The following NLGN4X variants were observed in gnomAD, a reference collection of about 807,000 sequenced individuals.
NLGN4X encodes the protein neuroligin-4, X-linked.
Under a neutral mutation model 40.3 loss-of-function variants are expected in NLGN4X, and 3 were observed. That is an observed-to-expected ratio of 0.07 (90% CI 0.03 to 0.19). The LOEUF (loss-of-function observed/expected upper bound fraction) is 0.19. NLGN4X is among the 10% of genes least tolerant of loss of function. The pLI is 1.00. For synonymous variants in NLGN4X, 270 were observed against 306.8 expected, an observed-to-expected ratio of 0.88 and a Z score of 1.25; for missense variants, 382 against 708.3, an observed-to-expected ratio of 0.54 and a Z score of 5.23.
chrX:5,977,628 G>A (rs759572519), intron 3 of NLGN4X, among the ~76,000 whole-genome samples: 1 of 110,652 alleles, frequency 9.0e-6, no homozygotes, highest in Non-Finnish European at 1.9e-5. Flanking sequence ...TATCTGGTGG[G>A]TGTGAACTGG....
chrX:5,936,107 A>C (rs140997823), intron 3 of NLGN4X, among the ~76,000 whole-genome samples: 1,907 of 112,007 alleles, frequency 0.017, 49 homozygotes, highest in African/African-American at 0.058. Context: ...GTTATGAAAC[A>C]TTATCTGATA....
intron 3 of NLGN4X, among the ~76,000 whole-genome samples, chrX:5,990,940 C>T (rs1174974020): frequency 8.9e-6 from 1 of 112,304 alleles, no homozygotes; most frequent in East Asian, 2.8e-4. Flanking sequence ...AGCCTTCAGC[C>T]TTGCACCACG....
At chrX:6,149,960 T>G (rs941452696) in intron 2 of NLGN4X, among the ~76,000 whole-genome samples, 1 of 107,596 alleles carries the variant, frequency 9.3e-6, no homozygotes, top group Non-Finnish European at 1.9e-5. Context: ...GGATTGAAGT[T>G]TAAAAAAAAA....
chrX:6,172,948 T>C (rs1434733880), intron 1 of NLGN4X, among the ~76,000 whole-genome samples: 1 of 112,398 alleles, frequency 8.9e-6, no homozygotes, highest in Non-Finnish European at 1.9e-5. Flanking sequence ...CTGATGGCTG[T>C]GAGTATGCAG....
In NLGN4X at chrX:6,042,685, TTATATATATATATATATATATA is replaced by T. The variant is rs749649054; in HGVS notation, c.473-13275_473-13254del. Among the ~76,000 whole-genome samples, 22 of 28,414 alleles carry T rather than the reference TTATATATATATATATATATATA, an allele frequency of 7.7e-4. No homozygotes were observed. The East Asian group carries it at 9.8e-3, about 13-fold the overall frequency. The allele number at this position is 28,414 out of a possible 115,157, so 24.7% of individuals were successfully genotyped here. ...AAAACCTAACATACCCATAGAGGTT[TTATATATATATATATATATATA>T]TATATATATATATATATATATATAC... On this transcript the variant is annotated intron_variant, in intron 2 of 5. Coordinates refer to ENST00000381095, the MANE Select transcript of NLGN4X (RefSeq NM_181332.3).
chrX:6,150,945 T>C (rs1321026574), intron 2 of NLGN4X, 50 bp downstream of exon 2: 1 of 1,035,115 alleles, frequency 9.7e-7, no homozygotes, highest in Non-Finnish European at 1.4e-6. Context: ...AGCAAATCTC[T>C]CTACACACTG....
chrX:6,166,777 T>C (rs1396141831), intron 1 of NLGN4X, among the ~76,000 whole-genome samples: 2 of 111,284 alleles, frequency 1.8e-5, no homozygotes, highest in Non-Finnish European at 3.8e-5. Flanking sequence ...GCATAAGTAC[T>C]TGAGAATAAA....
chrX:6,037,345 T>A (rs1052885624), intron 2 of NLGN4X, among the ~76,000 whole-genome samples: 13 of 109,139 alleles, frequency 1.2e-4, no homozygotes, highest in Non-Finnish European at 2.3e-4. Context: ...TTAAAAAAAA[T>A]TGGAAAACGA....
intron 5 of NLGN4X, among the ~76,000 whole-genome samples, chrX:5,900,048 TG>T (rs763544742): frequency 8.0e-5 from 9 of 112,206 alleles, no homozygotes; most frequent in Non-Finnish European, 1.5e-4. Flanking sequence ...TTCAAGAGGA[TG>T]AAATTCTCTG....
intron 3 of NLGN4X, among the ~76,000 whole-genome samples, chrX:5,954,529 C>T (rs1287375553): frequency 9.3e-6 from 1 of 107,904 alleles, no homozygotes; most frequent in Non-Finnish European, 1.9e-5. Flanking sequence ...AGCCACCACG[C>T]CAGCCTCATA....
At chrX:6,183,058 T>A (rs958256479) in intron 1 of NLGN4X, among the ~76,000 whole-genome samples, 1 of 111,922 alleles carries the variant, frequency 8.9e-6, no homozygotes, top group African/African-American at 3.2e-5. Context: ...GTCCATTAGA[T>A]GTGAACGACT....
chrX:5,892,971 C>T lies in NLGN4X; in HGVS notation c.2297G>A (p.Arg766Gln), dbSNP rs1445553567. 3 of 1,209,322 alleles carry T rather than the reference C, an allele frequency of 2.5e-6. No homozygotes were observed. Among genetic ancestry groups the T allele is most frequent in the Non-Finnish European group, 3.4e-6 (3 of 895,160 alleles). ...CATAAGTGGGATGTCATCTGGCGAC[C>T]GGCGCAGCGTGAGGGTGTAGTCTGG... Reference protein sequence around the residue: ...CPPDYTLTLRRSPDDIPLMTP... With the variant: ...CPPDYTLTLRQSPDDIPLMTP... The change falls in exon 6 of 6, where the codon CGG becomes CAG. Residue 766 changes from arginine (R) to glutamine (Q), a missense_variant. By Grantham distance (43) the Arg-to-Gln change is conservative. Transcript: ENST00000381095.
chrX:5,997,584 G>GTATATATATACACA (rs1569177130), intron 3 of NLGN4X, among the ~76,000 whole-genome samples: 1 of 47,120 alleles, frequency 2.1e-5, no homozygotes, highest in Admixed American at 2.3e-4. Context: ...GTGTGTGTGT[G>GTATATATATACACA]TGTATATATA....
At chrX:6,208,630 C>T (rs756108450) in intron 1 of NLGN4X, among the ~76,000 whole-genome samples, 1 of 111,999 alleles carries the variant, frequency 8.9e-6, no homozygotes, top group East Asian at 2.8e-4. Flanking sequence ...AATAAGTACA[C>T]CTCATTTCAT....
intron 2 of NLGN4X, among the ~76,000 whole-genome samples, chrX:6,067,114 CAA>C (rs2037942484): frequency 1.8e-5 from 2 of 109,430 alleles, no homozygotes; most frequent in Non-Finnish European, 3.8e-5. Context: ...GTCCCCCCCC[CAA>C]AACAAAATTA....
chrX:6,108,831 C>T (rs1230468385), intron 2 of NLGN4X, among the ~76,000 whole-genome samples: 1 of 111,594 alleles, frequency 9.0e-6, no homozygotes, highest in Non-Finnish European at 1.9e-5. Context: ...CATTGTGCTT[C>T]CCCTGGGAAG....
chrX:5,932,888 G>T (rs973136601), intron 3 of NLGN4X, among the ~76,000 whole-genome samples: 1 of 110,739 alleles, frequency 9.0e-6, no homozygotes, highest in Non-Finnish European at 1.9e-5. Context: ...ATTTTGAATG[G>T]GCTCAAAGAG....
chrX:6,164,143 C>A (rs1018906043), intron 1 of NLGN4X, among the ~76,000 whole-genome samples: 5 of 112,883 alleles, frequency 4.4e-5, no homozygotes, highest in African/African-American at 1.6e-4. Context: ...ATTGACACAG[C>A]AGTAAAGTGT....
intron 1 of NLGN4X, among the ~76,000 whole-genome samples, chrX:6,155,553 T>C (rs897487990): frequency 1.8e-5 from 2 of 111,822 alleles, no homozygotes; most frequent in South Asian, 7.5e-4. Context: ...ATGACCACTC[T>C]CCACGCATGG....
Sources: gnomAD v4.1 joint callset for allele counts (sites outside exome capture counted in the v4.1 genomes callset) on GRCh38, gnomAD v4.1.1 for gene constraint, MANE v1.5 for transcripts, NCBI Gene and HGNC (gene_info 2026-07-23, HGNC 2026-07-21) for gene names.